Variants in ABCA5 observed in about 807,000 individuals in gnomAD.
ABCA5 encodes cholesterol transporter ABCA5.
ABCA5 carries 163 observed loss-of-function variants against 206.0 expected under a neutral mutation model. The observed-to-expected ratio is 0.79, with a 90% CI of 0.70 to 0.90. The LOEUF (loss-of-function observed/expected upper bound fraction) is 0.90. Among genes scored for constraint, ABCA5 ranks in the 40% least tolerant of loss-of-function variants. ABCA5 has a pLI of 0.00. For missense variants in ABCA5, 1,859 were observed against 1,912.9 expected, an observed-to-expected ratio of 0.97 and a Z score of 0.53; for synonymous variants, 609 against 613.8, an observed-to-expected ratio of 0.99 and a Z score of 0.11.
intron 19 of ABCA5, among the ~76,000 whole-genome samples, 195 bp downstream of exon 19, chr17:69,277,446 T>C (rs539415989): frequency 1.3e-5 from 2 of 152,298 alleles, no homozygotes; most frequent in South Asian, 4.1e-4. Flanking sequence ...TAAATGCTAG[T>C]TTAAAAAGTG....
Position 69,287,765 on chromosome 17 carries a change from G to C in ABCA5, c.1903-14C>G. The C allele has an allele frequency of 2.5e-6, 4 of 1,606,910 alleles. No individual in the cohort carries two copies. In the South Asian group the frequency reaches 3.3e-5, roughly 13 times the overall value. ...TAGCAGCAGTATCTGTGTGAAAAGAGGTGAAGAAGGGCAGGGAATCCTCAG... is the reference window on the plus strand; with the variant it reads ...TAGCAGCAGTATCTGTGTGAAAAGACGTGAAGAAGGGCAGGGAATCCTCAG... On this transcript the variant is annotated splice_polypyrimidine_tract_variant and intron_variant, in intron 14 of 38. Transcript: ENST00000392676.
intron 1 of ABCA5, chr17:69,314,642 G>A (rs2075799234): frequency 4.7e-6 from 2 of 421,528 alleles, no homozygotes; most frequent in African/African-American, 4.1e-5. Flanking sequence ...GGGTAGACCA[G>A]AATTTGAAAT....
chr17:69,269,186 C>T (rs930555388), intron 22 of ABCA5, among the ~76,000 whole-genome samples: 69 of 152,154 alleles, frequency 4.5e-4, no homozygotes, highest in African/African-American at 1.6e-3. Context: ...GTTATGGATA[C>T]AGACATATGT....
chr17:69,297,216 C>G lies in ABCA5; in HGVS notation c.1411G>C (p.Glu471Gln). 3 of 1,611,484 alleles carry G rather than the reference C, an allele frequency of 1.9e-6. No homozygotes were observed. Among genetic ancestry groups the G allele is most frequent in the Non-Finnish European group, 2.5e-6 (3 of 1,179,362 alleles). Residue 471 changes from glutamate (E) to glutamine (Q), a missense_variant, in exon 10 of 39, where the codon GAA becomes CAA. Physicochemically the swap from Glu to Gln is conservative, Grantham distance 29 (BLOSUM62 2). Transcript: ENST00000392676. ...CTTATGGCTTCTTTTCCTACAAATTCTGAAGAAACTGGCTCAATAATTTCA... is the reference window on the plus strand; with the variant it reads ...CTTATGGCTTCTTTTCCTACAAATTGTGAAGAAACTGGCTCAATAATTTCA... ...FSEIIEPVSS[E>Q]FVGKEAIRIS...
At chr17:69,321,735 G>A (rs182270889) in intron 1 of ABCA5, among the ~76,000 whole-genome samples, 124 of 151,966 alleles carry the variant, frequency 8.2e-4, no homozygotes, top group African/African-American at 2.9e-3. Flanking sequence ...TTAAAAAACA[G>A]TGGCACAAAG....
intron 37 of ABCA5, chr17:69,249,223 TTAA>T (rs1416681329): frequency 2.6e-5 from 4 of 152,200 alleles, no homozygotes; most frequent in Non-Finnish European, 5.9e-5. Context: ...TTGAAAATTA[TTAA>T]TAATAAACCT....
At chr17:69,315,658 C>T (rs928969981) in intron 1 of ABCA5, among the ~76,000 whole-genome samples, 4 of 151,954 alleles carry the variant, frequency 2.6e-5, no homozygotes, top group African/African-American at 9.7e-5. Context: ...TGGCACACAC[C>T]TGTAATCCCA....
At chr17:69,286,171 A>G in intron 16 of ABCA5, 50 bp downstream of exon 16, 2 of 1,559,464 alleles carry the variant, frequency 1.3e-6, no homozygotes, top group Admixed American at 3.7e-5. Context: ...ACATAATAAC[A>G]GTATAGCAAG....
At chr17:69,265,385 T>G (rs970293176) in intron 23 of ABCA5, among the ~76,000 whole-genome samples, 1 of 152,126 alleles carries the variant, frequency 6.6e-6, no homozygotes, top group African/African-American at 2.4e-5. Context: ...TCAGCTTAAG[T>G]GAAAGCTTTT....
In ABCA5 at chr17:69,246,773, T is replaced by C. The variant is rs1033125542; in HGVS notation, c.*764A>G. 2.0e-5 allele frequency: 3 copies of C among 151,940 alleles called. No homozygotes were observed. The highest frequency in any genetic ancestry group is 7.2e-5 in the African/African-American group (3 of 41,448). The allele number at this position is 151,940 out of a possible 1,614,324, so 9.4% of individuals were successfully genotyped here. A position where few individuals can be genotyped will look rare whatever the true frequency, so the allele number is the denominator to read the frequency against. ...GTATGGCTTAATTCTACCACCTCCA[T>C]AGATAACTGTCATTCTAGCCACAGA... On this transcript the variant is annotated 3_prime_UTR_variant, in exon 39 of 39. Coordinates refer to ENST00000392676, the MANE Select transcript of ABCA5 (RefSeq NM_172232.4).
chr17:69,254,578 C>T (rs1465897765), intron 31 of ABCA5, 88 bp from the exon 32 acceptor site: 2 of 953,054 alleles, frequency 2.1e-6, no homozygotes, highest in South Asian at 1.8e-5. Context: ...CCCCTTCCTA[C>T]AGCCAGACTA....
intron 6 of ABCA5, among the ~76,000 whole-genome samples, chr17:69,305,187 C>T (rs1381669110): frequency 1.3e-5 from 2 of 152,044 alleles, no homozygotes; most frequent in Non-Finnish European, 2.9e-5. Context: ...ATGGCATGTG[C>T]TACAATTAAA....
chr17:69,248,960 T>C (rs2074982824), intron 37 of ABCA5: 1 of 152,380 alleles, frequency 6.6e-6, no homozygotes, highest in Admixed American at 6.5e-5. Flanking sequence ...ACCATGGGCT[T>C]AAGGGATCCT....
At chr17:69,285,126 G>T (rs1399009885) in intron 17 of ABCA5, among the ~76,000 whole-genome samples, 2 of 152,094 alleles carry the variant, frequency 1.3e-5, no homozygotes, top group Non-Finnish European at 2.9e-5. Flanking sequence ...TTTATCTCAT[G>T]TATTTCTTGA....
At chr17:69,247,900 T>C (rs1177735645) in intron 38 of ABCA5, among the ~76,000 whole-genome samples, 2 of 152,050 alleles carry the variant, frequency 1.3e-5, no homozygotes, top group Non-Finnish European at 2.9e-5. Flanking sequence ...AATACACTAA[T>C]GTGAAACACC....
chr17:69,263,916 T>C (rs1447362774), intron 24 of ABCA5, among the ~76,000 whole-genome samples: 1 of 152,058 alleles, frequency 6.6e-6, no homozygotes, highest in Non-Finnish European at 1.5e-5. Context: ...CAGGATGGTC[T>C]TGATCTCTTG....
At chr17:69,250,721 A>ATTT in intron 35 of ABCA5, 100 bp from the exon 36 acceptor site, 5 of 836,018 alleles carry the variant, frequency 6.0e-6, no homozygotes, top group South Asian at 2.1e-5. Context: ...ATACCTTTAT[A>ATTT]TTTAGAGAAA....
At chr17:69,281,035 TAA>T (rs960486612) in intron 18 of ABCA5, among the ~76,000 whole-genome samples, 13 of 144,932 alleles carry the variant, frequency 9.0e-5, no homozygotes, top group African/African-American at 3.0e-4. Context: ...AGTATAATAA[TAA>T]AAAAAAATAA....
At chr17:69,287,479 T>C in intron 15 of ABCA5, 134 bp downstream of exon 15, 2 of 1,262,618 alleles carry the variant, frequency 1.6e-6, no homozygotes, top group South Asian at 4.0e-5. Context: ...TAAAATTTTT[T>C]AGAACTTTTT....
Sources: allele counts gnomAD v4.1 joint callset (sites outside exome capture counted in the v4.1 genomes callset), GRCh38; gene constraint gnomAD v4.1.1; transcripts MANE v1.5; gene names NCBI Gene and HGNC (gene_info 2026-07-23, HGNC 2026-07-21).